The following BBOF1 variants were observed in gnomAD, a reference collection of about 807,000 sequenced individuals.
The protein encoded by BBOF1 is basal body orientation factor 1.
BBOF1 carries 62 observed loss-of-function variants against 68.0 expected under a neutral mutation model. The observed-to-expected ratio is 0.91, with a 90% CI of 0.74 to 1.13. The LOEUF is 1.13. BBOF1 is among the 50% of genes most tolerant of loss of function. BBOF1 has a pLI of 0.00. For synonymous variants in BBOF1, 208 were observed against 198.8 expected, an observed-to-expected ratio of 1.05 and a Z score of -0.39; for missense variants, 534 against 600.1, an observed-to-expected ratio of 0.89 and a Z score of 1.15.
At chr14:74,038,161 T>A (rs1490305491) in intron 4 of BBOF1, among the ~76,000 whole-genome samples, 1 of 152,210 alleles carries the variant, frequency 6.6e-6, no homozygotes, top group African/African-American at 2.4e-5. Flanking sequence ...TTTGTATTCA[T>A]TGAAATACAA....
At chr14:74,070,981 C>G, downstream of BBOF1, 1 of 587,472 alleles carries the variant, frequency 1.7e-6, no homozygotes, top group Non-Finnish European at 3.0e-6. Flanking sequence ...TTCTAGTGTC[C>G]CAATATATAC....
At chr14:74,027,365 C>T (rs1194651333) in intron 2 of BBOF1, among the ~76,000 whole-genome samples, 1 of 147,770 alleles carries the variant, frequency 6.8e-6, no homozygotes, top group Non-Finnish European at 1.5e-5. Flanking sequence ...GGGATTACAG[C>T]CATGAGCCAC....
At chr14:74,052,715 G>T (rs570230470) in intron 8 of BBOF1, among the ~76,000 whole-genome samples, 63 of 151,976 alleles carry the variant, frequency 4.1e-4, no homozygotes, top group African/African-American at 1.4e-3. Context: ...TATGGTAATC[G>T]GCTGGGTGTG....
chr14:74,066,823 T>G, downstream of BBOF1: 7 of 1,614,036 alleles, frequency 4.3e-6, no homozygotes, highest in Non-Finnish European at 5.1e-6. Context: ...ATCAATCAGA[T>G]TACAGACTCG....
At chr14:74,074,908 T>C (rs1443326677) in intron 9 of BBOF1, 1 of 1,576,868 alleles carries the variant, frequency 6.3e-7, no homozygotes, top group African/African-American at 1.3e-5. Flanking sequence ...CCCAAAACTA[T>C]ACTGAATTCC....
intron 9 of BBOF1, chr14:74,072,139 C>G: frequency 8.1e-6 from 13 of 1,612,124 alleles, no homozygotes; most frequent in Non-Finnish European, 1.0e-5. Flanking sequence ...GAAAAGGTCT[C>G]TGTGAGAGTG....
At chr14:74,039,114 T>A (rs1247031964) in intron 4 of BBOF1, among the ~76,000 whole-genome samples, 1 of 152,184 alleles carries the variant, frequency 6.6e-6, no homozygotes, top group Non-Finnish European at 1.5e-5. Flanking sequence ...TTACACTATG[T>A]AACGATTGTA....
Position 74,050,056 on chromosome 14 carries a change from C to T in BBOF1, c.1147C>T (p.Gln383Ter), listed in dbSNP as rs749431802. ...QILISRKHYKQIAQAAFNLKM... is the reference protein window; with the variant it reads ...QILISRKHYK ...CCTAATTAGCAGGAAGCATTATAAG[C>T]AGATAGCACAAGCTGCTTTCAATTT... The change falls in exon 8 of 12, where the codon CAG becomes TAG. Residue 383 changes from glutamine to a stop codon, truncating the protein, a stop_gained. Transcript: ENST00000394009. LOFTEE classifies it high-confidence loss of function. 3 of 1,614,106 alleles carry T rather than the reference C, an allele frequency of 1.9e-6. No individual in the cohort carries two copies. The highest frequency in any genetic ancestry group is 1.7e-6 in the Non-Finnish European group (2 of 1,180,018).
At chr14:74,038,648 A>G (rs929407233) in intron 4 of BBOF1, among the ~76,000 whole-genome samples, 1 of 152,230 alleles carries the variant, frequency 6.6e-6, no homozygotes, top group Admixed American at 6.6e-5. Context: ...TCATTATACA[A>G]ATTACAAAGA....
chr14:74,062,290 A>G (rs1269879415), intron 11 of BBOF1, among the ~76,000 whole-genome samples: 2 of 151,962 alleles, frequency 1.3e-5, no homozygotes, highest in Non-Finnish European at 2.9e-5. Context: ...ACTAGTATCA[A>G]ATTAGTCATT....
At chr14:74,067,711 G>A (rs1046866302), downstream of BBOF1, 3 of 896,150 alleles carry the variant, frequency 3.3e-6, no homozygotes, top group Non-Finnish European at 5.3e-6. Context: ...ATAACTTGAG[G>A]TCAGGAGTTC....
downstream of BBOF1, chr14:74,070,695 T>C (rs969351296): frequency 5.5e-6 from 1 of 181,920 alleles, no homozygotes; most frequent in Non-Finnish European, 1.1e-5. Flanking sequence ...TTTGGGCTAA[T>C]TAATTTCACT....
At chr14:74,068,253 C>T (rs10143305), downstream of BBOF1, among the ~76,000 whole-genome samples, 145 of 151,686 alleles carry the variant, frequency 9.6e-4, no homozygotes, top group Non-Finnish European at 1.1e-3. Flanking sequence ...GTGGTAGGCA[C>T]CTGTAATCCC....
Position 74,065,256 on chromosome 14 carries a change from A to G in BBOF1, c.*557A>G. The stretch of plus-strand genomic sequence containing the variant: ...TGGTGAAGATGGCAGTTCCATTTCC[A>G]TATGGGTTGTTATTTACAATCTGGA... On this transcript the variant is annotated 3_prime_UTR_variant, in exon 12 of 12. Coordinates refer to ENST00000394009, the MANE Select transcript of BBOF1 (RefSeq NM_025057.3). 4 of 1,614,158 alleles carry G rather than the reference A, an allele frequency of 2.5e-6. No individual in the cohort carries two copies. Among genetic ancestry groups the G allele is most frequent in the Non-Finnish European group, 3.4e-6 (4 of 1,180,012 alleles).
chr14:74,038,591 G>A (rs1316545664), intron 4 of BBOF1, among the ~76,000 whole-genome samples: 3 of 152,150 alleles, frequency 2.0e-5, no homozygotes, highest in Admixed American at 6.5e-5. Context: ...TTTAAATTAG[G>A]AGGTATACAT....
chr14:74,046,364 T>C (rs1299518293), intron 6 of BBOF1, among the ~76,000 whole-genome samples: 2 of 152,052 alleles, frequency 1.3e-5, no homozygotes, highest in Non-Finnish European at 2.9e-5. Flanking sequence ...AACTTACTTA[T>C]TTATTGATTT....
intron 11 of BBOF1, among the ~76,000 whole-genome samples, chr14:74,064,292 T>C (rs7147847): frequency 0.41 from 59,930 of 147,218 alleles, 13,450 homozygotes; most frequent in East Asian, 0.81. Context: ...AGCGAGACTG[T>C]GTCTCAAAAA....
downstream of BBOF1, chr14:74,066,704 C>T (rs2060472135): frequency 1.9e-6 from 3 of 1,613,756 alleles, no homozygotes; most frequent in Non-Finnish European, 2.5e-6. Flanking sequence ...AAGTTGTTCA[C>T]CTTGACATTC....
chr14:74,053,559 A>G (rs959118665), intron 8 of BBOF1, among the ~76,000 whole-genome samples: 1 of 151,922 alleles, frequency 6.6e-6, no homozygotes, highest in Non-Finnish European at 1.5e-5. Flanking sequence ...ATGTGCCACC[A>G]TGCCAGGCTA....
Sources: allele counts gnomAD v4.1 joint callset (sites outside exome capture counted in the v4.1 genomes callset), GRCh38; gene constraint gnomAD v4.1.1; transcripts MANE v1.5; gene names NCBI Gene and HGNC (gene_info 2026-07-23, HGNC 2026-07-21).